Variants in ITGA2 observed in about 807,000 individuals in gnomAD.
ITGA2 encodes integrin alpha-2.
Under a neutral mutation model 146.3 loss-of-function variants are expected in ITGA2, and 101 were observed. The ratio of observed to expected loss-of-function variants is 0.69; its 90% CI spans 0.59 to 0.81. ITGA2 has a LOEUF of 0.81. ITGA2 is among the 40% of genes least tolerant of loss of function. The pLI is 0.00. For synonymous variants in ITGA2, 477 were observed against 487.1 expected, an observed-to-expected ratio of 0.98 and a Z score of 0.27; for missense variants, 1,281 against 1,402.7, an observed-to-expected ratio of 0.91 and a Z score of 1.39.
Position 53,093,534 on chromosome 5 carries a change from C to T in ITGA2, c.*2935C>T, listed in dbSNP as rs1740541989. The T allele has an allele frequency of 6.6e-6, 1 of 151,958 alleles. No homozygotes were observed. The highest frequency in any genetic ancestry group is 1.5e-5 in the Non-Finnish European group (1 of 68,000). 9.4% of individuals were successfully genotyped at this position (151,958 alleles called of 1,614,324 possible). A position where few individuals can be genotyped will look rare whatever the true frequency, so the allele number is the denominator to read the frequency against. Reference sequence around the variant, plus strand: ...AGCTACCCGATGCCAGAGCATGCTCCCCCCGCAGTCATGACAATCAAAAAA... The same window carrying T: ...AGCTACCCGATGCCAGAGCATGCTCTCCCCGCAGTCATGACAATCAAAAAA... On this transcript the variant is annotated 3_prime_UTR_variant, in exon 30 of 30. Transcript: ENST00000296585.
chr5:53,021,279 AT>A (rs967919298), intron 1 of ITGA2, among the ~76,000 whole-genome samples: 13 of 152,018 alleles, frequency 8.6e-5, no homozygotes, highest in South Asian at 2.1e-4. Flanking sequence ...TTAAGAACTA[AT>A]TTTTTTAGAT....
intron 1 of ITGA2, among the ~76,000 whole-genome samples, chr5:53,015,758 A>C (rs975587583): frequency 6.6e-6 from 1 of 152,048 alleles, no homozygotes; most frequent in Admixed American, 6.6e-5. Flanking sequence ...TGTTTTATGA[A>C]TCTGGGTGCC....
intron 2 of ITGA2, among the ~76,000 whole-genome samples, chr5:53,041,486 A>G (rs1049190367): frequency 1.3e-5 from 2 of 152,200 alleles, no homozygotes; most frequent in Non-Finnish European, 2.9e-5. Flanking sequence ...ATGAGTCAAC[A>G]TATGAAAATG....
chr5:53,070,258 C>T lies in ITGA2; in HGVS notation c.2233C>T (p.Gln745Ter). The T allele has an allele frequency of 6.2e-7, 1 of 1,611,466 alleles. No homozygotes were observed. The highest frequency in any genetic ancestry group is 8.5e-7 in the Non-Finnish European group (1 of 1,178,278). ...QSCPEHIIYI[Q>*]EPSDVVNSLD... ...TTGCCCCGAGCACATCATTTATATA[C>T]AGGTAAGGCCTCAGGAACATCCCTT... The change falls in exon 17 of 30, where the codon CAG (glutamine) becomes TAG (stop). Residue 745 changes from glutamine (Q) to a stop codon, truncating the protein, a stop_gained and splice_region_variant. Transcript: ENST00000296585. LOFTEE classifies it high-confidence loss of function.
chr5:53,040,328 A>T (rs1269593920), intron 2 of ITGA2, among the ~76,000 whole-genome samples: 1 of 152,336 alleles, frequency 6.6e-6, no homozygotes, highest in East Asian at 1.9e-4. Flanking sequence ...TAATACTACT[A>T]TGAAATGAAG....
At chr5:53,088,685 C>CAAAAAAAAAAAAAA (rs5867861) in intron 28 of ITGA2, among the ~76,000 whole-genome samples, 1 of 105,892 alleles carries the variant, frequency 9.4e-6, no homozygotes, top group Non-Finnish European at 1.8e-5. Context: ...GACTCTGTCT[C>CAAAAAAAAAAAAAA]AAAAAAAAAA....
intron 7 of ITGA2, 102 bp from the exon 8 acceptor site, chr5:53,055,436 G>A: frequency 3.1e-6 from 3 of 975,282 alleles, no homozygotes; most frequent in South Asian, 1.3e-5. Flanking sequence ...ACAATAGATT[G>A]TGTTTAAAGA....
chr5:53,039,242 T>A (rs1743656761), intron 2 of ITGA2, among the ~76,000 whole-genome samples: 2 of 152,246 alleles, frequency 1.3e-5, no homozygotes, highest in African/African-American at 2.4e-5. Flanking sequence ...ACACTTCCTA[T>A]GATAGTTCCT....
chr5:53,079,732 T>C (rs1195906119), intron 24 of ITGA2, among the ~76,000 whole-genome samples: 1 of 152,132 alleles, frequency 6.6e-6, no homozygotes, highest in Non-Finnish European at 1.5e-5. Context: ...CTACATTCTT[T>C]AATGGGGCAT....
In ITGA2 at chr5:53,056,159, AT is replaced by A. The variant is rs3212524; in HGVS notation, c.1096+11del. ...ATTTTCAGCATTGAAGGTAAAAAAAATAACCTCCTTTCAAGAATTTTCTTCA... is the reference window on the plus strand; with the variant it reads ...ATTTTCAGCATTGAAGGTAAAAAAAAAACCTCCTTTCAAGAATTTTCTTCA... On this transcript the variant is annotated intron_variant, in intron 9 of 29. Coordinates refer to ENST00000296585, the MANE Select transcript of ITGA2 (RefSeq NM_002203.4). The A allele has an allele frequency of 3.7e-6, 6 of 1,608,874 alleles. No individual in the cohort carries two copies. The highest frequency in any genetic ancestry group is 1.1e-5 in the South Asian group (1 of 90,578).
At chr5:53,063,221 G>A (rs768181354) in intron 13 of ITGA2, among the ~76,000 whole-genome samples, 6 of 151,810 alleles carry the variant, frequency 4.0e-5, no homozygotes, top group Non-Finnish European at 7.4e-5. Flanking sequence ...ATTGAAATAT[G>A]CACACACACA....
intron 28 of ITGA2, among the ~76,000 whole-genome samples, chr5:53,088,372 A>G (rs139436170): frequency 5.1e-4 from 78 of 152,268 alleles, no homozygotes; most frequent in Non-Finnish European, 9.7e-4. Context: ...GTGCAAAAGT[A>G]ATTGTGGTAT....
intron 1 of ITGA2, among the ~76,000 whole-genome samples, chr5:53,006,533 A>C (rs563096101): frequency 9.2e-5 from 14 of 152,218 alleles, no homozygotes; most frequent in Non-Finnish European, 1.8e-4. Context: ...GTTCTTTATT[A>C]ATCTCCTATT....
chr5:53,064,045 T>C (rs1344442922), intron 13 of ITGA2, among the ~76,000 whole-genome samples: 1 of 151,864 alleles, frequency 6.6e-6, no homozygotes, highest in African/African-American at 2.4e-5. Flanking sequence ...GATCATAAAA[T>C]TGAAGAAAAA....
At chr5:52,993,295 A>G (rs2111654402) in intron 1 of ITGA2, among the ~76,000 whole-genome samples, 1 of 152,242 alleles carries the variant, frequency 6.6e-6, no homozygotes, top group African/African-American at 2.4e-5. Context: ...TACCTGCCCA[A>G]CCTCAGCTAA....
chr5:53,014,999 G>A (rs1742332562), intron 1 of ITGA2, among the ~76,000 whole-genome samples: 1 of 151,514 alleles, frequency 6.6e-6, no homozygotes, highest in African/African-American at 2.4e-5. Context: ...TTCTTTATTA[G>A]TCTAGCTAGC....
chr5:53,041,222 G>A (rs1743784052), intron 2 of ITGA2, among the ~76,000 whole-genome samples: 1 of 152,052 alleles, frequency 6.6e-6, no homozygotes, highest in African/African-American at 2.4e-5. Context: ...GGCTCTTTCT[G>A]TGCAATCTTC....
At chr5:53,090,166 C>T (rs1044105493) in intron 29 of ITGA2, 104 bp downstream of exon 29, 17 of 770,644 alleles carry the variant, frequency 2.2e-5, no homozygotes, top group Middle Eastern at 2.8e-4. Context: ...TTCTCTATCA[C>T]AAGGAGAAAA....
chr5:53,064,427 T>C (rs1237077854), intron 13 of ITGA2, among the ~76,000 whole-genome samples: 2 of 152,004 alleles, frequency 1.3e-5, no homozygotes, highest in East Asian at 3.9e-4. Context: ...GAAATTCTTA[T>C]TTATAATTCT....
Sources: allele counts gnomAD v4.1 joint callset (sites outside exome capture counted in the v4.1 genomes callset), GRCh38; gene constraint gnomAD v4.1.1; transcripts MANE v1.5; gene names NCBI Gene and HGNC (gene_info 2026-07-23, HGNC 2026-07-21).